Variants in CSMD1 observed in about 807,000 individuals in gnomAD.
CSMD1 encodes the protein CUB and sushi domain-containing protein 1.
Under a neutral mutation model 417.5 loss-of-function variants are expected in CSMD1, and 213 were observed. The ratio of observed to expected loss-of-function variants is 0.51; its 90% CI spans 0.46 to 0.57. The LOEUF (loss-of-function observed/expected upper bound fraction) is 0.57, where lower values mean the gene tolerates loss of function less well. Ranked by LOEUF, CSMD1 falls within the 20% of genes least tolerant of loss-of-function variation. CSMD1 has a pLI of 0.00. For missense variants in CSMD1, 6,923 were observed against 4,529.7 expected, an observed-to-expected ratio of 1.53 and a Z score of -15.17; for synonymous variants, 2,862 against 1,736.8, an observed-to-expected ratio of 1.65 and a Z score of -16.11.
intron 2 of CSMD1, among the ~76,000 whole-genome samples, chr8:4,607,019 T>G (rs966672313): frequency 1.3e-5 from 2 of 152,190 alleles, no homozygotes; most frequent in African/African-American, 4.8e-5. Context: ...GGAAATCCAG[T>G]GGTAAAGTTT....
intron 1 of CSMD1, among the ~76,000 whole-genome samples, chr8:4,664,936 G>T (rs760495151): frequency 1.5e-4 from 23 of 152,038 alleles, no homozygotes; most frequent in Non-Finnish European, 2.5e-4. Flanking sequence ...AATGTGTTTG[G>T]GAATTTTAGA....
At chr8:4,409,248 T>A (rs564515427) in intron 3 of CSMD1, among the ~76,000 whole-genome samples, 13 of 152,334 alleles carry the variant, frequency 8.5e-5, no homozygotes, top group Non-Finnish European at 1.5e-4. Context: ...TTACCTTAAC[T>A]TACATACTTC....
chr8:3,899,862 C>A (rs1242221538), intron 5 of CSMD1, among the ~76,000 whole-genome samples: 1 of 152,220 alleles, frequency 6.6e-6, no homozygotes, highest in Non-Finnish European at 1.5e-5. Flanking sequence ...TCCATTTCTT[C>A]AGTTCCTTTA....
chr8:3,634,403 G>C (rs1220509080), intron 7 of CSMD1, among the ~76,000 whole-genome samples: 1 of 152,176 alleles, frequency 6.6e-6, no homozygotes, highest in African/African-American at 2.4e-5. Flanking sequence ...AGCTTCTGTG[G>C]TCTGCAATCC....
At chr8:3,226,102 G>A (rs566741659) in intron 27 of CSMD1, among the ~76,000 whole-genome samples, 2 of 152,258 alleles carry the variant, frequency 1.3e-5, no homozygotes, top group African/African-American at 2.4e-5. Context: ...TGTTCACACC[G>A]TTGGGGGCGA....
At chr8:2,969,880 T>C (rs1804293618) in intron 57 of CSMD1, among the ~76,000 whole-genome samples, 2 of 152,284 alleles carry the variant, frequency 1.3e-5, no homozygotes, top group East Asian at 1.9e-4. Context: ...GTAACATATA[T>C]TGCAGTGGGC....
intron 10 of CSMD1, among the ~76,000 whole-genome samples, chr8:3,526,860 T>C (rs1321915063): frequency 6.6e-6 from 1 of 152,192 alleles, no homozygotes; most frequent in Non-Finnish European, 1.5e-5. Context: ...CCAATCATCA[T>C]TTTCTTTGGA....
At chr8:3,678,086 G>C (rs1239819848) in intron 7 of CSMD1, among the ~76,000 whole-genome samples, 1 of 152,124 alleles carries the variant, frequency 6.6e-6, no homozygotes, top group South Asian at 2.1e-4. Context: ...AACAGCTCCA[G>C]TCTACAGCTC....
intron 10 of CSMD1, among the ~76,000 whole-genome samples, chr8:3,503,272 CA>C (rs1396200707): frequency 2.0e-5 from 3 of 152,166 alleles, no homozygotes; most frequent in Non-Finnish European, 4.4e-5. Flanking sequence ...TGTTTAGCCC[CA>C]CATATAAACA....
intron 1 of CSMD1, among the ~76,000 whole-genome samples, chr8:4,739,453 G>C (rs1396135003): frequency 6.6e-6 from 1 of 152,180 alleles, no homozygotes; most frequent in Non-Finnish European, 1.5e-5. Flanking sequence ...AAGGTCATGT[G>C]AATATTATCT....
chr8:3,416,328 T>C (rs925442617), intron 12 of CSMD1, among the ~76,000 whole-genome samples: 5 of 135,648 alleles, frequency 3.7e-5, no homozygotes, highest in Admixed American at 7.6e-5. Flanking sequence ...AAAAAAAAAG[T>C]GTTCTTTAGA....
At chr8:3,720,996 T>G (rs1160356837) in intron 6 of CSMD1, among the ~76,000 whole-genome samples, 1 of 151,694 alleles carries the variant, frequency 6.6e-6, no homozygotes, top group Non-Finnish European at 1.5e-5. Context: ...ATTTTTTTTG[T>G]ATTTTTAGTA....
chr8:4,463,228 C>T (rs1303682024), intron 2 of CSMD1, among the ~76,000 whole-genome samples: 1 of 152,208 alleles, frequency 6.6e-6, no homozygotes, highest in East Asian at 1.9e-4. Flanking sequence ...AAATCAAAGA[C>T]GTACTGAGAT....
chr8:3,784,243 A>G (rs547477846), intron 5 of CSMD1, among the ~76,000 whole-genome samples: 195 of 152,344 alleles, frequency 1.3e-3, no homozygotes, highest in African/African-American at 4.5e-3. Context: ...GGATGTGTAA[A>G]TAAATGTCCA....
At chr8:3,672,033 T>C (rs924117663) in intron 7 of CSMD1, among the ~76,000 whole-genome samples, 2 of 152,186 alleles carry the variant, frequency 1.3e-5, no homozygotes, top group Non-Finnish European at 2.9e-5. Context: ...TTTATTTAAA[T>C]GAAGAAGCAA....
intron 7 of CSMD1, among the ~76,000 whole-genome samples, chr8:3,705,108 A>C (rs1352220556): frequency 6.6e-6 from 1 of 152,212 alleles, no homozygotes; most frequent in Non-Finnish European, 1.5e-5. Flanking sequence ...CTACTTTCAA[A>C]GGCTCTGTTT....
At chr8:3,317,795 C>G (rs1245646300) in intron 23 of CSMD1, among the ~76,000 whole-genome samples, 1 of 152,118 alleles carries the variant, frequency 6.6e-6, no homozygotes, top group Non-Finnish European at 1.5e-5. Context: ...AATAAAGTTG[C>G]TACTGTATAA....
chr8:3,234,719 G>C (rs530213693), intron 26 of CSMD1, among the ~76,000 whole-genome samples: 12 of 152,302 alleles, frequency 7.9e-5, no homozygotes, highest in African/African-American at 2.9e-4. Context: ...AGAAAGTCAC[G>C]AAGGTCTCAC....
chr8:4,115,879 A>G (rs1158935959), intron 3 of CSMD1, among the ~76,000 whole-genome samples: 1 of 152,152 alleles, frequency 6.6e-6, no homozygotes, highest in Non-Finnish European at 1.5e-5. Flanking sequence ...CATTCTGGGA[A>G]AACAGGAAGA....
Sources: gnomAD v4.1 joint callset for allele counts (sites outside exome capture counted in the v4.1 genomes callset) on GRCh38, gnomAD v4.1.1 for gene constraint, MANE v1.5 for transcripts, NCBI Gene and HGNC (gene_info 2026-07-23, HGNC 2026-07-21) for gene names.